RPS6KC1: variants seen among roughly 807,000 people sequenced by gnomAD.
RPS6KC1 encodes inactive ribosomal protein S6 kinase delta-1.
Under a neutral mutation model 103.8 loss-of-function variants are expected in RPS6KC1, and 54 were observed. That is an observed-to-expected ratio of 0.52 (90% CI 0.42 to 0.65). RPS6KC1 has a LOEUF of 0.65. Among genes scored for constraint, RPS6KC1 ranks in the 30% least tolerant of loss-of-function variants. RPS6KC1 has a pLI of 0.00. For missense variants in RPS6KC1, 1,151 were observed against 1,253.8 expected (o/e 0.92, Z 1.24); for synonymous variants, 439 against 438.7 (o/e 1.00, Z -0.01).
chr1:213,266,514 A>G (rs2094915269), intron 14 of RPS6KC1, among the ~76,000 whole-genome samples: 1 of 152,136 alleles, frequency 6.6e-6, no homozygotes, highest in Non-Finnish European at 1.5e-5. Flanking sequence ...TTCCCCCAAA[A>G]AGTATGAAGT....
the RPS6KC1 span, among the ~76,000 whole-genome samples, chr1:213,800,827 C>A: frequency 8.5e-5 from 13 of 152,142 alleles, no homozygotes; most frequent in East Asian, 2.3e-3. Context: ...GTGATTGCAA[C>A]CTTTATTACG....
the RPS6KC1 span, among the ~76,000 whole-genome samples, chr1:213,805,883 A>T: frequency 6.6e-6 from 1 of 152,276 alleles, no homozygotes; most frequent in Non-Finnish European, 1.5e-5. Context: ...CACAGGCTGG[A>T]CAATGAATGT....
chr1:213,756,248 G>T, the RPS6KC1 span, among the ~76,000 whole-genome samples: 1 of 152,180 alleles, frequency 6.6e-6, no homozygotes, highest in African/African-American at 2.4e-5. Flanking sequence ...AAGACCATGT[G>T]CCCAGCTTCC....
chr1:213,534,398 A>G, the RPS6KC1 span, among the ~76,000 whole-genome samples: 1 of 152,228 alleles, frequency 6.6e-6, no homozygotes, highest in Non-Finnish European at 1.5e-5. Flanking sequence ...TAATCCTTAC[A>G]ACACCCGCTT....
At chr1:213,502,403 T>G in the RPS6KC1 span, among the ~76,000 whole-genome samples, 1 of 152,076 alleles carries the variant, frequency 6.6e-6, no homozygotes, top group Non-Finnish European at 1.5e-5. Context: ...CAGTAAAAAA[T>G]GATATAAATA....
the RPS6KC1 span, among the ~76,000 whole-genome samples, chr1:213,710,893 T>A: frequency 6.6e-6 from 1 of 152,254 alleles, no homozygotes; most frequent in Non-Finnish European, 1.5e-5. Context: ...CCACTCTTTG[T>A]CTGATGGGTT....
the RPS6KC1 span, among the ~76,000 whole-genome samples, chr1:213,675,789 A>C: frequency 6.6e-6 from 1 of 152,206 alleles, no homozygotes; most frequent in Non-Finnish European, 1.5e-5. Context: ...AGGCAGGAGA[A>C]TCACTTGAAC....
the RPS6KC1 span, among the ~76,000 whole-genome samples, chr1:213,839,295 A>C: frequency 6.6e-6 from 1 of 152,176 alleles, no homozygotes; most frequent in African/African-American, 2.4e-5. Flanking sequence ...TCAAAACTTT[A>C]AGTTTCATAA....
At chr1:213,213,772 T>G (rs1349088527) in intron 8 of RPS6KC1, among the ~76,000 whole-genome samples, 2 of 152,246 alleles carry the variant, frequency 1.3e-5, no homozygotes, top group Non-Finnish European at 2.9e-5. Context: ...TATTTTCTTT[T>G]TCTAATATTA....
chr1:213,193,930 C>T (rs549273573), intron 8 of RPS6KC1, among the ~76,000 whole-genome samples: 9 of 152,234 alleles, frequency 5.9e-5, no homozygotes, highest in South Asian at 2.1e-4. Flanking sequence ...GCCCAGCCTA[C>T]GGTTATTATT....
chr1:213,186,557 A>G (rs2092540836), intron 8 of RPS6KC1, among the ~76,000 whole-genome samples: 1 of 151,994 alleles, frequency 6.6e-6, no homozygotes, highest in Non-Finnish European at 1.5e-5. Context: ...GCCTTGAGGT[A>G]GTCTTACTTG....
intron 3 of RPS6KC1, among the ~76,000 whole-genome samples, chr1:213,098,427 C>G (rs544582514): frequency 6.6e-6 from 1 of 151,846 alleles, no homozygotes; most frequent in African/African-American, 2.4e-5. Context: ...TAGGTGTAAG[C>G]CACTGCACCC....
the RPS6KC1 span, among the ~76,000 whole-genome samples, chr1:213,384,649 C>T: frequency 1.3e-5 from 2 of 152,110 alleles, no homozygotes; most frequent in Admixed American, 1.3e-4. Flanking sequence ...CACAGATGCC[C>T]CTGCCTGGCT....
the RPS6KC1 span, among the ~76,000 whole-genome samples, chr1:213,806,028 G>A: frequency 2.8e-3 from 419 of 152,300 alleles, no homozygotes; most frequent in Middle Eastern, 6.8e-3. Flanking sequence ...TCTCAACAGT[G>A]GGCCTAAAAT....
intron 6 of RPS6KC1, among the ~76,000 whole-genome samples, chr1:213,158,091 C>A (rs1471820728): frequency 6.6e-6 from 1 of 151,898 alleles, no homozygotes; most frequent in African/African-American, 2.4e-5. Flanking sequence ...TAGTTAGATC[C>A]TGTATAGTTT....
chr1:213,137,068 C>T (rs557527705), intron 6 of RPS6KC1, among the ~76,000 whole-genome samples: 3 of 152,200 alleles, frequency 2.0e-5, no homozygotes, highest in South Asian at 2.1e-4. Context: ...CTGTTGTTTC[C>T]ACCCTCTTCT....
At chr1:213,096,052 ACTT>A (rs999318078) in intron 3 of RPS6KC1, among the ~76,000 whole-genome samples, 1 of 152,200 alleles carries the variant, frequency 6.6e-6, no homozygotes, top group Non-Finnish European at 1.5e-5. Flanking sequence ...CTACAGTAGA[ACTT>A]CTTTCAGAAT....
chr1:213,750,001 A>G, the RPS6KC1 span, among the ~76,000 whole-genome samples: 1 of 152,360 alleles, frequency 6.6e-6, no homozygotes. Flanking sequence ...TTATCTTCCC[A>G]AAGATGAAAC....
At chr1:213,508,183 G>A in the RPS6KC1 span, among the ~76,000 whole-genome samples, 1 of 152,008 alleles carries the variant, frequency 6.6e-6, no homozygotes, top group African/African-American at 2.4e-5. Flanking sequence ...ATACACATCC[G>A]TACACTGTTT....
Sources: gnomAD v4.1 joint callset for allele counts (sites outside exome capture counted in the v4.1 genomes callset) on GRCh38, gnomAD v4.1.1 for gene constraint, MANE v1.5 for transcripts, NCBI Gene and HGNC (gene_info 2026-07-23, HGNC 2026-07-21) for gene names.